The following NPAS3 variants were observed in gnomAD, a reference collection of about 807,000 sequenced individuals.
NPAS3 encodes the protein neuronal PAS domain-containing protein 3.
In NPAS3, 14 loss-of-function variants were observed where a neutral mutation model predicts 73.1. The observed-to-expected ratio is 0.19, with a 90% CI of 0.13 to 0.30. NPAS3 has a LOEUF of 0.30. Among genes scored for constraint, NPAS3 ranks in the 10% least tolerant of loss-of-function variants. The probability of loss-of-function intolerance (pLI) is 1.00; values close to 1 mark genes in which losing one functional copy is unlikely to be tolerated. For missense variants in NPAS3, 1,096 were observed against 1,250.0 expected (o/e 0.88, Z 1.86); for synonymous variants, 620 against 541.5 (o/e 1.14, Z -2.01).
chr14:33,538,820 A>G (rs1489976527), intron 4 of NPAS3, among the ~76,000 whole-genome samples: 2 of 152,110 alleles, frequency 1.3e-5, no homozygotes, highest in African/African-American at 4.8e-5. Context: ...AGTACTCATA[A>G]TAATTGTAAG....
intron 6 of NPAS3, among the ~76,000 whole-genome samples, chr14:33,726,313 A>C (rs1216177800): frequency 6.6e-6 from 1 of 152,198 alleles, no homozygotes; most frequent in African/African-American, 2.4e-5. Context: ...TTGGTGGCCT[A>C]TATGTCAAGT....
chr14:33,583,605 T>C (rs963328374), intron 5 of NPAS3, among the ~76,000 whole-genome samples: 5 of 152,216 alleles, frequency 3.3e-5, no homozygotes, highest in East Asian at 1.9e-4. Flanking sequence ...TGTAATTCCA[T>C]AGCAGAGAAA....
At chr14:33,449,348 A>C (rs2049678561) in intron 4 of NPAS3, among the ~76,000 whole-genome samples, 1 of 152,164 alleles carries the variant, frequency 6.6e-6, no homozygotes, top group Non-Finnish European at 1.5e-5. Flanking sequence ...CTGTTTTTAT[A>C]AGTAAATTTT....
intron 1 of NPAS3, among the ~76,000 whole-genome samples, chr14:33,037,375 T>C (rs1018667269): frequency 5.3e-5 from 8 of 151,576 alleles, no homozygotes; most frequent in Non-Finnish European, 8.8e-5. Flanking sequence ...CTGAGCATGG[T>C]GGCTCATGTC....
chr14:32,961,196 G>A (rs1188780079), intron 1 of NPAS3, among the ~76,000 whole-genome samples: 1 of 151,772 alleles, frequency 6.6e-6, no homozygotes, highest in African/African-American at 2.4e-5. Flanking sequence ...GGCGGATCAC[G>A]AGGTCAGGAG....
At chr14:33,194,717 G>A (rs2046288638) in intron 2 of NPAS3, among the ~76,000 whole-genome samples, 1 of 152,128 alleles carries the variant, frequency 6.6e-6, no homozygotes, top group South Asian at 2.1e-4. Context: ...CAGTAGTCAG[G>A]TCTCTCTGAA....
chr14:33,283,043 C>T (rs957432663), intron 3 of NPAS3, among the ~76,000 whole-genome samples: 11 of 152,170 alleles, frequency 7.2e-5, no homozygotes, highest in African/African-American at 2.4e-4. Flanking sequence ...ACATGTGACT[C>T]TGCCCCACAG....
rs182588321 is a variant in NPAS3 at position 33,695,970 on chromosome 14, A to G, written c.733+19585A>G. 8.3e-4 allele frequency among the ~76,000 whole-genome samples: 126 copies of G among 152,292 alleles called. 1 individual carries two copies. Among genetic ancestry groups the G allele is most frequent in the Non-Finnish European group, 1.5e-3 (105 of 68,002 alleles). On this transcript the variant is annotated intron_variant, in intron 6 of 11. Coordinates refer to ENST00000356141, the Ensembl canonical transcript of NPAS3. The stretch of plus-strand genomic sequence containing the variant: ...ACTTTCATTATCTTATTGTTGAGAA[A>G]TTGACTGTATTCCTCTCGAAGAAGA...
At chr14:33,140,126 G>A (rs903283540) in intron 2 of NPAS3, among the ~76,000 whole-genome samples, 15 of 151,954 alleles carry the variant, frequency 9.9e-5, no homozygotes, top group African/African-American at 3.6e-4. Context: ...ACTCCTCTTT[G>A]GTGGTGTGGT....
chr14:32,945,029 T>C (rs1473341139), intron 1 of NPAS3, among the ~76,000 whole-genome samples: 1 of 152,242 alleles, frequency 6.6e-6, no homozygotes, highest in Non-Finnish European at 1.5e-5. Flanking sequence ...ACTAAATATA[T>C]ACCTTGTAAG....
At chr14:33,306,286 A>G (rs1282146965) in intron 3 of NPAS3, among the ~76,000 whole-genome samples, 2 of 152,174 alleles carry the variant, frequency 1.3e-5, no homozygotes, top group African/African-American at 4.8e-5. Flanking sequence ...TATAAATAAC[A>G]TTTTTCTCAT....
intron 5 of NPAS3, among the ~76,000 whole-genome samples, chr14:33,633,404 G>T (rs771788647): frequency 1.3e-5 from 2 of 152,148 alleles, no homozygotes; most frequent in Admixed American, 6.6e-5. Flanking sequence ...GTCATGTGTT[G>T]CTTAATGATG....
intron 1 of NPAS3, among the ~76,000 whole-genome samples, chr14:32,946,333 A>AACACACACGCACGCAC (rs2036248769): frequency 9.5e-6 from 1 of 105,302 alleles, no homozygotes; most frequent in African/African-American, 3.3e-5. Context: ...CCATCCCCCC[A>AACACACACGCACGCAC]ACACACACAC....
Position 33,258,230 on chromosome 14 carries a change from C to T in NPAS3, c.385+42804C>T, listed in dbSNP as rs764028361. Among the ~76,000 whole-genome samples, 3 of 152,074 alleles carry T rather than the reference C, an allele frequency of 2.0e-5. 1 individual carries two copies. The highest frequency in any genetic ancestry group is 4.4e-5 in the Non-Finnish European group (3 of 68,016). ...TGGGCAACACGTTAAACCTCCATAT[C>T]TACTAAAAATATGAAAATTAGCCCA... is the stretch of plus-strand genomic sequence containing the variant. On this transcript the variant is annotated intron_variant, in intron 3 of 11. Coordinates refer to ENST00000356141, the Ensembl canonical transcript of NPAS3.
chr14:33,211,502 C>T (rs2047033000), intron 2 of NPAS3, among the ~76,000 whole-genome samples: 1 of 152,066 alleles, frequency 6.6e-6, no homozygotes, highest in African/African-American at 2.4e-5. Flanking sequence ...TGCAGTGAGC[C>T]AAGATCGAAC....
At chr14:33,213,230 T>TA (rs2047102393) in intron 2 of NPAS3, among the ~76,000 whole-genome samples, 1 of 23,966 alleles carries the variant, frequency 4.2e-5, no homozygotes, top group African/African-American at 1.8e-4. Flanking sequence ...CATAGTCACT[T>TA]ACTGGACCAA....
At chr14:33,295,944 T>C (rs1236488260) in intron 3 of NPAS3, among the ~76,000 whole-genome samples, 1 of 152,190 alleles carries the variant, frequency 6.6e-6, no homozygotes, top group Non-Finnish European at 1.5e-5. Context: ...TGTAAGAAAG[T>C]TAACTCATTA....
In NPAS3 at chr14:33,140,621, T is replaced by G. The variant is rs115961260; in HGVS notation, c.141-74561T>G. Among the ~76,000 whole-genome samples, 1,077 of 152,296 alleles carry G rather than the reference T, an allele frequency of 7.1e-3. 14 individuals are homozygous for G. The highest frequency in any genetic ancestry group is 0.024 in the African/African-American group (1,011 of 41,556). On this transcript the variant is annotated intron_variant, in intron 2 of 11. Transcript: ENST00000356141. ...GTCATTTCCCTTTCATACTTCAGTT[T>G]TGTTTTGCTTTTCCCATCGATGCAG...
At chr14:32,962,476 C>G (rs2036967015) in intron 1 of NPAS3, among the ~76,000 whole-genome samples, 1 of 151,566 alleles carries the variant, frequency 6.6e-6, no homozygotes, top group Admixed American at 6.6e-5. Context: ...AGATTACTAA[C>G]AACTGTGAAA....
Sources: allele counts gnomAD v4.1 joint callset (sites outside exome capture counted in the v4.1 genomes callset), GRCh38; gene constraint gnomAD v4.1.1; transcripts MANE v1.5; gene names NCBI Gene and HGNC (gene_info 2026-07-23, HGNC 2026-07-21).